Variants in CLYBL observed in about 807,000 individuals in gnomAD.
The protein encoded by CLYBL is citramalyl-CoA lyase.
Under a neutral mutation model 38.9 loss-of-function variants are expected in CLYBL, and 31 were observed. The ratio of observed to expected loss-of-function variants is 0.80; its 90% CI spans 0.60 to 1.08. The LOEUF (loss-of-function observed/expected upper bound fraction) is 1.08. Among genes scored for constraint, CLYBL ranks in the 50% least tolerant of loss-of-function variants. CLYBL has a pLI of 0.00. For missense variants in CLYBL, 434 were observed against 411.6 expected (o/e 1.05, Z -0.47); for synonymous variants, 171 against 158.6 (o/e 1.08, Z -0.59).
rs1369312931 is a variant in CLYBL, at chr13:99,812,028, A to G, written c.249+39018A>G. On this transcript the variant is annotated intron_variant, in intron 2 of 8. Transcript: ENST00000339105. The stretch of plus-strand genomic sequence containing the variant: ...CCAAAATCCAAAAAGCTGAAAATCA[A>G]AAGTTTTATTATTAAGTTTGCAGCC... 5.3e-5 allele frequency among the ~76,000 whole-genome samples: 8 copies of G among 152,204 alleles called. No individual in the cohort carries two copies. In the South Asian group the frequency reaches 6.2e-4, roughly 12 times the overall value.
chr13:99,804,146 T>G (rs2050186945), intron 2 of CLYBL, among the ~76,000 whole-genome samples: 1 of 152,206 alleles, frequency 6.6e-6, no homozygotes. Context: ...GAGAAATAAC[T>G]GTCTGAGAAT....
At chr13:99,855,319 C>T (rs1413896206) in intron 2 of CLYBL, among the ~76,000 whole-genome samples, 2 of 152,072 alleles carry the variant, frequency 1.3e-5, no homozygotes, top group South Asian at 2.1e-4. Context: ...TTGGGGTGAC[C>T]GCTTTTACCT....
At chr13:99,766,845 C>T (rs534253273) in intron 1 of CLYBL, among the ~76,000 whole-genome samples, 4 of 152,204 alleles carry the variant, frequency 2.6e-5, no homozygotes, top group African/African-American at 7.2e-5. Context: ...GGGTCCATGC[C>T]CAGGGGATCT....
chr13:99,833,539 G>A lies in CLYBL; in HGVS notation c.250-25322G>A, dbSNP rs369378303. 5.3e-5 allele frequency among the ~76,000 whole-genome samples: 8 copies of A among 152,060 alleles called. No individual in the cohort carries two copies. The South Asian group carries it at 6.2e-4, about 12-fold the overall frequency. ...AGTGAATGAATTAATGCATAAATAAGTCATTAGAACTCTGCCATCAGAGTC... is the reference window on the plus strand; with the variant it reads ...AGTGAATGAATTAATGCATAAATAAATCATTAGAACTCTGCCATCAGAGTC... On this transcript the variant is annotated intron_variant, in intron 2 of 8. Transcript: ENST00000339105.
intron 1 of CLYBL, among the ~76,000 whole-genome samples, chr13:99,691,398 G>A (rs2047900102): frequency 2.0e-5 from 3 of 151,970 alleles, no homozygotes; most frequent in Admixed American, 2.0e-4. Flanking sequence ...AATTTGGGGG[G>A]GAAGGGGACA....
intron 8 of CLYBL, among the ~76,000 whole-genome samples, chr13:99,903,781 A>C (rs1412680225): frequency 6.6e-6 from 1 of 152,252 alleles, no homozygotes; most frequent in Non-Finnish European, 1.5e-5. Flanking sequence ...TTTAAGTAGC[A>C]TTATCTGCAA....
At chr13:99,894,743 G>GA (rs950848888), downstream of CLYBL, 2 of 133,860 alleles carry the variant, frequency 1.5e-5, 1 homozygote, top group Non-Finnish European at 3.2e-5. Context: ...AGGCGGGGGG[G>GA]GGGGGGGGTG....
At chr13:99,711,943 C>A (rs1486813949) in intron 1 of CLYBL, among the ~76,000 whole-genome samples, 2 of 151,644 alleles carry the variant, frequency 1.3e-5, no homozygotes, top group Non-Finnish European at 2.9e-5. Context: ...TCTAGAACTC[C>A]TGACCTCGTG....
intron 4 of CLYBL, 107 bp from the exon 5 acceptor site, chr13:99,864,711 C>A: frequency 1.3e-6 from 1 of 750,922 alleles, no homozygotes; most frequent in Non-Finnish European, 2.3e-6. Context: ...CTGCTTTCAG[C>A]CAAACTGTGT....
At chr13:99,824,837 G>A (rs932150225) in intron 2 of CLYBL, among the ~76,000 whole-genome samples, 2 of 152,154 alleles carry the variant, frequency 1.3e-5, no homozygotes, top group East Asian at 3.8e-4. Flanking sequence ...AGTTGGCTCC[G>A]CCGGTGATGA....
chr13:99,614,584 T>A (rs145629445), intron 1 of CLYBL, among the ~76,000 whole-genome samples: 2 of 151,460 alleles, frequency 1.3e-5, no homozygotes, highest in Admixed American at 6.6e-5. Flanking sequence ...GCGAGGGAGG[T>A]CTCTGCCAAC....
At chr13:99,801,745 A>C (rs1018809109) in intron 2 of CLYBL, among the ~76,000 whole-genome samples, 4 of 152,194 alleles carry the variant, frequency 2.6e-5, no homozygotes, top group African/African-American at 9.6e-5. Flanking sequence ...GGCCGGGTGC[A>C]GTGGCTCACA....
chr13:99,795,850 T>G (rs2050011765), intron 2 of CLYBL, among the ~76,000 whole-genome samples: 1 of 152,134 alleles, frequency 6.6e-6, no homozygotes, highest in South Asian at 2.1e-4. Flanking sequence ...TGAACACCAA[T>G]AGGCATTCTG....
intron 2 of CLYBL, among the ~76,000 whole-genome samples, chr13:99,830,092 T>G (rs893656314): frequency 2.6e-5 from 4 of 152,146 alleles, no homozygotes; most frequent in Non-Finnish European, 4.4e-5. Flanking sequence ...CAGAGTGACC[T>G]TCAGTCATTT....
chr13:99,695,606 G>A (rs1428028886), intron 1 of CLYBL, among the ~76,000 whole-genome samples: 1 of 151,844 alleles, frequency 6.6e-6, no homozygotes, highest in Non-Finnish European at 1.5e-5. Flanking sequence ...TGCAACCTCC[G>A]CCTCCCGAGT....
chr13:99,843,252 T>C (rs1418435453), intron 2 of CLYBL, among the ~76,000 whole-genome samples: 2 of 152,194 alleles, frequency 1.3e-5, no homozygotes, highest in East Asian at 3.8e-4. Flanking sequence ...ACAAAAGGAC[T>C]CTAAGATGAA....
chr13:99,860,768 G>A (rs566679034), intron 3 of CLYBL, among the ~76,000 whole-genome samples: 9 of 152,258 alleles, frequency 5.9e-5, no homozygotes, highest in East Asian at 5.8e-4. Context: ...TTTCCTCTCC[G>A]TTTGTATTTA....
intron 1 of CLYBL, among the ~76,000 whole-genome samples, chr13:99,611,012 T>A (rs1255014623): frequency 1.3e-5 from 2 of 152,174 alleles, no homozygotes; most frequent in South Asian, 2.1e-4. Context: ...ACAAGACAGG[T>A]CAAATAGTGA....
rs192774913 is a variant in CLYBL, at chr13:99,734,092, C to T, written c.63-38732C>T. 4.6e-3 allele frequency among the ~76,000 whole-genome samples: 701 copies of T among 152,252 alleles called. 5 individuals carry two copies. Among genetic ancestry groups the T allele is most frequent in the African/African-American group, 0.015 (632 of 41,538 alleles). ...CTTTTAGAAGAAAAATAACCCTTCTCTGTTAGTGGGATTTCTGATTCATTT... is the reference window on the plus strand; with the variant it reads ...CTTTTAGAAGAAAAATAACCCTTCTTTGTTAGTGGGATTTCTGATTCATTT... On this transcript the variant is annotated intron_variant, in intron 1 of 8. Coordinates refer to ENST00000339105, the MANE Select transcript of CLYBL (RefSeq NM_206808.5).
Sources: gnomAD v4.1 joint callset for allele counts (sites outside exome capture counted in the v4.1 genomes callset) on GRCh38, gnomAD v4.1.1 for gene constraint, MANE v1.5 for transcripts, NCBI Gene and HGNC (gene_info 2026-07-23, HGNC 2026-07-21) for gene names.